AP2A2: variants seen among roughly 807,000 people sequenced by gnomAD.
AP2A2 encodes AP-2 complex subunit alpha-2.
Under a neutral mutation model 104.2 loss-of-function variants are expected in AP2A2, and 32 were observed. That is an observed-to-expected ratio of 0.31 (90% CI 0.23 to 0.41). The LOEUF is 0.41. AP2A2 is among the 10% of genes least tolerant of loss of function. The probability of loss-of-function intolerance (pLI) is 1.00; values close to 1 mark genes in which losing one functional copy is unlikely to be tolerated. For missense variants in AP2A2, 912 were observed against 1,261.0 expected (o/e 0.72, Z 4.19); for synonymous variants, 539 against 533.3 (o/e 1.01, Z -0.15).
rs1459006361 is a variant in AP2A2 at position 968,845 on chromosome 11, A to C, written c.137-1324A>C. ...TTTATTTATATCATCTGGTCTTTTA[A>C]ATTATGTTAATTTGCCGCTGACAAG... On this transcript the variant is annotated intron_variant, in intron 2 of 21. Transcript: ENST00000448903. This position sits in a 1 kb window ranked among gnomAD's most constrained non-coding sequence, Gnocchi z 4.2. Among the ~76,000 whole-genome samples the C allele has an allele frequency of 6.6e-6, 1 of 152,014 alleles. No homozygotes were observed. Among genetic ancestry groups the C allele is most frequent in the Non-Finnish European group, 1.5e-5 (1 of 68,002 alleles).
intron 1 of AP2A2, among the ~76,000 whole-genome samples, chr11:931,287 A>C (rs997751887): frequency 2.0e-5 from 3 of 152,164 alleles, no homozygotes; most frequent in Non-Finnish European, 4.4e-5. Flanking sequence ...CTATTTATTC[A>C]GTTATTTTGG....
chr11:975,505 C>T (rs948967905), intron 4 of AP2A2, among the ~76,000 whole-genome samples: 78 of 140,080 alleles, frequency 5.6e-4, no homozygotes, highest in Non-Finnish European at 8.4e-4. Context: ...GTGGGGTCCT[C>T]GGTCTCCCTC....
chr11:1,001,097 C>T (rs1183689440), intron 15 of AP2A2, among the ~76,000 whole-genome samples: 1 of 152,238 alleles, frequency 6.6e-6, no homozygotes, highest in East Asian at 1.9e-4. Context: ...ACGCCTTCGG[C>T]CTCCACCCTG....
At chr11:967,057 C>T (rs1854640337) in intron 2 of AP2A2, among the ~76,000 whole-genome samples, 1 of 152,048 alleles carries the variant, frequency 6.6e-6, no homozygotes, top group Non-Finnish European at 1.5e-5. Context: ...ATCCCAGCTA[C>T]TCGGGAGGCA....
chr11:994,378 C>T (rs1855770226), intron 14 of AP2A2, 133 bp downstream of exon 14: 1 of 1,158,218 alleles, frequency 8.6e-7, no homozygotes, highest in Non-Finnish European at 1.2e-6. Flanking sequence ...TCTGGACACC[C>T]CGCTGTCCTG....
intron 2 of AP2A2, among the ~76,000 whole-genome samples, chr11:969,217 GCC>G (rs201394005): frequency 1.2e-4 from 10 of 86,138 alleles, no homozygotes; most frequent in Non-Finnish European, 2.6e-4. Flanking sequence ...ATGTAGAACA[GCC>G]CTTTTTTTTT....
chr11:1,010,749 C>T lies in AP2A2; in HGVS notation c.*124C>T, dbSNP rs763132868. 1.5e-5 allele frequency: 12 copies of T among 795,332 alleles called. No individual in the cohort carries two copies. The African/African-American group carries it at 1.7e-4, about 11-fold the overall frequency. 49.3% of individuals were successfully genotyped at this position (795,332 alleles called of 1,614,324 possible). ...CACAGCACAAGGCGCCTCCCCGCCC[C>T]GCCGCCCCACACCTCTCCCCTTTGG... On this transcript the variant is annotated 3_prime_UTR_variant, in exon 22 of 22. Transcript: ENST00000448903.
At chr11:987,154 C>T (rs899134764) in intron 9 of AP2A2, among the ~76,000 whole-genome samples, 1 of 152,228 alleles carries the variant, frequency 6.6e-6, no homozygotes, top group African/African-American at 2.4e-5. Flanking sequence ...GCCGGGTTGG[C>T]CCTGCTGTCC....
At chr11:954,160 AGGTTGTAC>A (rs1440729208) in intron 1 of AP2A2, among the ~76,000 whole-genome samples, 1 of 152,084 alleles carries the variant, frequency 6.6e-6, no homozygotes, top group Non-Finnish European at 1.5e-5. Context: ...TGATGCCGTG[AGGTTGTAC>A]GGCCGTTGGT....
chr11:1,000,375 T>C, intron 14 of AP2A2, 57 bp from the exon 15 acceptor site: 1 of 1,525,470 alleles, frequency 6.6e-7, no homozygotes, highest in Non-Finnish European at 8.8e-7. Context: ...GTGAGCTGCC[T>C]GGGGTTGGCC....
chr11:970,410 C>A, intron 3 of AP2A2, 99 bp downstream of exon 3: 1 of 1,476,744 alleles, frequency 6.8e-7, no homozygotes, highest in Non-Finnish European at 9.1e-7. Context: ...TCTCTGCCCA[C>A]AGCTGACGTG....
intron 18 of AP2A2, 155 bp from the exon 19 acceptor site, chr11:1,008,945 A>T: frequency 1.6e-6 from 1 of 630,220 alleles, no homozygotes; most frequent in South Asian, 1.9e-5. Flanking sequence ...ACACTGAGCC[A>T]CACACGATCC....
intron 2 of AP2A2, among the ~76,000 whole-genome samples, chr11:967,750 A>G (rs1854670824): frequency 6.6e-6 from 1 of 152,152 alleles, no homozygotes; most frequent in Non-Finnish European, 1.5e-5. Flanking sequence ...AAGTGGCTGC[A>G]TCTTTCAGAC....
At chr11:983,158 C>T (rs1226427293) in intron 6 of AP2A2, among the ~76,000 whole-genome samples, 1 of 150,884 alleles carries the variant, frequency 6.6e-6, no homozygotes, top group Admixed American at 6.6e-5. Flanking sequence ...GCTGGGACTA[C>T]AGGCCGTCGC....
intron 4 of AP2A2, 82 bp downstream of exon 4, chr11:972,337 C>T: frequency 1.5e-6 from 2 of 1,374,068 alleles, no homozygotes; most frequent in Non-Finnish European, 9.7e-7. Flanking sequence ...GCTGCTTAGC[C>T]TAGGAAATGT....
chr11:963,968 T>G (rs1166759991), intron 2 of AP2A2, among the ~76,000 whole-genome samples: 1 of 152,172 alleles, frequency 6.6e-6, no homozygotes, highest in East Asian at 1.9e-4. Flanking sequence ...TGGGAGGCTG[T>G]TAAACAACCG....
intron 2 of AP2A2, among the ~76,000 whole-genome samples, chr11:962,014 T>G (rs1854458649): frequency 1.3e-5 from 2 of 151,238 alleles, no homozygotes; most frequent in South Asian, 2.1e-4. Context: ...CGGAAGCAGA[T>G]GGAGATGTGG....
In AP2A2 at chr11:992,365, C is replaced by T; in HGVS notation, c.1270-138C>T. The T allele has an allele frequency of 1.2e-6, 1 of 858,684 alleles. No homozygotes were observed. The highest frequency in any genetic ancestry group is 2.6e-5 in the East Asian group (1 of 37,762). The allele number at this position is 858,684 out of a possible 1,614,324, so 53.2% of individuals were successfully genotyped here. ...CGTGGGCTTTTTTGAGAATCGAGTT[C>T]AAGCTTCCTCCATGTCCCAAACTTT... On this transcript the variant is annotated intron_variant, in intron 10 of 21. Transcript: ENST00000448903. This position sits in a 1 kb window ranked among gnomAD's most constrained non-coding sequence, Gnocchi z 6.4.
chr11:934,556 C>G (rs1853391381), intron 1 of AP2A2, among the ~76,000 whole-genome samples: 1 of 152,152 alleles, frequency 6.6e-6, no homozygotes, highest in Non-Finnish European at 1.5e-5. Context: ...CCCCATTTAC[C>G]TTTCTTCTCA....
Sources: gnomAD v4.1 joint callset for allele counts (sites outside exome capture counted in the v4.1 genomes callset) on GRCh38, gnomAD v4.1.1 for gene constraint, Gnocchi (gnomAD v3.1) non-coding constraint, MANE v1.5 for transcripts, NCBI Gene and HGNC (gene_info 2026-07-23, HGNC 2026-07-21) for gene names.